RHBDD1: variants seen among roughly 807,000 people sequenced by gnomAD.
RHBDD1 encodes rhomboid-related protein 4.
A neutral mutation model predicts 36.3 loss-of-function variants in RHBDD1; 38 were observed. The ratio of observed to expected loss-of-function variants is 1.05; its 90% CI spans 0.81 to 1.37. The LOEUF is 1.37. Ranked by LOEUF, RHBDD1 falls within the 40% of genes most tolerant of loss-of-function variation. The pLI, the probability that RHBDD1 is intolerant of heterozygous loss-of-function variation, is 0.00. For missense variants in RHBDD1, 393 were observed against 377.6 expected (o/e 1.04, Z -0.34); for synonymous variants, 151 against 136.5 (o/e 1.11, Z -0.74).
chr2:226,803,342 G>A, the RHBDD1 span, among the ~76,000 whole-genome samples: 1 of 152,206 alleles, frequency 6.6e-6, no homozygotes, highest in Admixed American at 6.5e-5. Context: ...GTGAGAGAGA[G>A]AGAGAGAGAT....
At chr2:226,851,005 CAACTT>C (rs1046839590) in intron 3 of RHBDD1, among the ~76,000 whole-genome samples, 6 of 152,226 alleles carry the variant, frequency 3.9e-5, no homozygotes, top group Admixed American at 1.3e-4. Flanking sequence ...GGAAATAAAA[CAACTT>C]AACTCCTTTG....
In RHBDD1 at chr2:226,995,777, G is replaced by A. The variant is rs952210586; in HGVS notation, c.*255G>A. 3.8e-5 allele frequency: 18 copies of A among 478,488 alleles called. No individual in the cohort carries two copies. The highest frequency in any genetic ancestry group is 1.4e-4 in the South Asian group (4 of 29,434). 29.6% of individuals were successfully genotyped at this position (478,488 alleles called of 1,614,324 possible). A position where few individuals can be genotyped will look rare whatever the true frequency, so the allele number is the denominator to read the frequency against. ...CCTCCATGAAGAGACCAGTTTCCAC[G>A]CTCCCATCTCTCACTGCTGACTCAG... On this transcript the variant is annotated 3_prime_UTR_variant, in exon 9 of 9. Transcript: ENST00000392062.
At chr2:226,809,067 T>C in the RHBDD1 span, among the ~76,000 whole-genome samples, 1 of 152,204 alleles carries the variant, frequency 6.6e-6, no homozygotes, top group Non-Finnish European at 1.5e-5. Flanking sequence ...GAGTCTGGGC[T>C]TAGGTATAAA....
At chr2:226,889,809 TCTC>T (rs1018712810) in intron 5 of RHBDD1, among the ~76,000 whole-genome samples, 6 of 152,166 alleles carry the variant, frequency 3.9e-5, no homozygotes, top group East Asian at 1.9e-4. Context: ...CTTATTGAAT[TCTC>T]CTTCTTTCAG....
intron 8 of RHBDD1, among the ~76,000 whole-genome samples, chr2:226,993,272 T>G (rs1958673503): frequency 6.6e-6 from 1 of 152,220 alleles, no homozygotes; most frequent in African/African-American, 2.4e-5. Flanking sequence ...TCAGCAGTCT[T>G]TCAGCCTCCA....
At chr2:226,987,761 C>G (rs1418859534) in intron 8 of RHBDD1, among the ~76,000 whole-genome samples, 1 of 152,224 alleles carries the variant, frequency 6.6e-6, no homozygotes, top group Non-Finnish European at 1.5e-5. Flanking sequence ...CACAGCATTT[C>G]TCAGTGACTT....
chr2:226,840,535 G>A (rs1181496185), intron 3 of RHBDD1, among the ~76,000 whole-genome samples: 1 of 152,206 alleles, frequency 6.6e-6, no homozygotes, highest in Non-Finnish European at 1.5e-5. Flanking sequence ...TCTTGATGGT[G>A]ATTCTAGAAT....
At chr2:226,898,893 G>A (rs976608262) in intron 5 of RHBDD1, among the ~76,000 whole-genome samples, 1 of 152,194 alleles carries the variant, frequency 6.6e-6, no homozygotes, top group African/African-American at 2.4e-5. Context: ...ACCTTACCTT[G>A]TTCCTTTACC....
intron 3 of RHBDD1, among the ~76,000 whole-genome samples, chr2:226,854,815 T>A (rs1943168472): frequency 6.6e-6 from 1 of 152,240 alleles, no homozygotes; most frequent in East Asian, 1.9e-4. Context: ...TAGAAAGTCA[T>A]TGAGTGGATT....
Position 226,839,393 on chromosome 2 carries a change from T to C in RHBDD1, c.-309-16T>C, listed in dbSNP as rs1941365990. Reference sequence around the variant, plus strand: ...ATAGCCACGTAAGCAATGGACCTCATATTTTTTTTCAACAGGGAGCCTCTT... The same window carrying C: ...ATAGCCACGTAAGCAATGGACCTCACATTTTTTTTCAACAGGGAGCCTCTT... On this transcript the variant is annotated splice_polypyrimidine_tract_variant and intron_variant, in intron 2 of 8. Transcript: ENST00000392062. 1 of 152,188 alleles carries C rather than the reference T, an allele frequency of 6.6e-6. No individual in the cohort carries two copies. Among genetic ancestry groups the C allele is most frequent in the Non-Finnish European group, 1.5e-5 (1 of 68,020 alleles). 9.4% of individuals were successfully genotyped at this position (152,188 alleles called of 1,614,324 possible). A position where few individuals can be genotyped will look rare whatever the true frequency, so the allele number is the denominator to read the frequency against.
intron 8 of RHBDD1, among the ~76,000 whole-genome samples, chr2:226,992,786 G>A (rs753362918): frequency 6.6e-6 from 1 of 152,178 alleles, no homozygotes; most frequent in Non-Finnish European, 1.5e-5. Context: ...CACTTGCGGT[G>A]TGAGAACCGA....
chr2:226,916,850 A>G (rs1368086078), intron 8 of RHBDD1, among the ~76,000 whole-genome samples: 1 of 152,210 alleles, frequency 6.6e-6, no homozygotes, highest in African/African-American at 2.4e-5. Flanking sequence ...GTAATTATAC[A>G]GGAAGTTAGT....
At chr2:226,924,458 C>T (rs1397455664) in intron 8 of RHBDD1, among the ~76,000 whole-genome samples, 3 of 152,132 alleles carry the variant, frequency 2.0e-5, no homozygotes, top group South Asian at 2.1e-4. Flanking sequence ...TCCAGAGCTG[C>T]GAGTTGCAGT....
chr2:226,944,507 G>C (rs540313973), intron 8 of RHBDD1, among the ~76,000 whole-genome samples: 2 of 152,142 alleles, frequency 1.3e-5, no homozygotes, highest in African/African-American at 4.8e-5. Flanking sequence ...TAAAAATGCC[G>C]AGACTTGTGT....
At chr2:226,919,014 G>A (rs1239752472) in intron 8 of RHBDD1, among the ~76,000 whole-genome samples, 1 of 152,064 alleles carries the variant, frequency 6.6e-6, no homozygotes, top group African/African-American at 2.4e-5. Context: ...ATTTTAACTG[G>A]AGTGAAATGA....
At chr2:226,880,328 T>C (rs930210371) in intron 5 of RHBDD1, among the ~76,000 whole-genome samples, 2 of 152,188 alleles carry the variant, frequency 1.3e-5, no homozygotes, top group African/African-American at 4.8e-5. Context: ...CATTTATATA[T>C]TTCCTCCCTT....
At chr2:226,846,556 CA>C (rs1942240508) in intron 3 of RHBDD1, among the ~76,000 whole-genome samples, 1 of 151,898 alleles carries the variant, frequency 6.6e-6, no homozygotes, top group African/African-American at 2.4e-5. Flanking sequence ...CCAGCCTGGC[CA>C]ACATGGTGAA....
At chr2:226,925,524 C>T (rs1211555165) in intron 8 of RHBDD1, among the ~76,000 whole-genome samples, 1 of 151,842 alleles carries the variant, frequency 6.6e-6, no homozygotes, top group Non-Finnish European at 1.5e-5. Context: ...TAAAATAAGC[C>T]AACTCAAACC....
intron 8 of RHBDD1, among the ~76,000 whole-genome samples, chr2:226,928,692 C>A (rs988332208): frequency 2.0e-5 from 3 of 151,680 alleles, no homozygotes; most frequent in South Asian, 2.1e-4. Context: ...ACAACAACAA[C>A]AAAAAAGATC....
Sources: allele counts gnomAD v4.1 joint callset (sites outside exome capture counted in the v4.1 genomes callset), GRCh38; gene constraint gnomAD v4.1.1; transcripts MANE v1.5; gene names NCBI Gene and HGNC (gene_info 2026-07-23, HGNC 2026-07-21).